Variants in PDE11A observed in about 807,000 individuals in gnomAD.
The protein encoded by PDE11A is phosphodiesterase 11A.
PDE11A carries 100 observed loss-of-function variants against 100.5 expected under a neutral mutation model. The observed-to-expected ratio is 1.00, with a 90% CI of 0.85 to 1.18. The LOEUF is 1.18. Ranked by LOEUF, PDE11A falls within the 50% of genes most tolerant of loss-of-function variation. The pLI is 0.00. For missense variants in PDE11A, 1,141 were observed against 1,152.6 expected (o/e 0.99, Z 0.15); for synonymous variants, 381 against 420.8 (o/e 0.91, Z 1.16).
Position 177,981,640 on chromosome 2 carries a change from T to C in PDE11A, c.1071+32662A>G, listed in dbSNP as rs143396117. 7.5e-3 allele frequency among the ~76,000 whole-genome samples: 1,136 copies of C among 150,956 alleles called. 28 individuals carry two copies. Among genetic ancestry groups the C allele is most frequent in the African/African-American group, 0.025 (1,037 of 41,468 alleles). Reference sequence around the variant, plus strand: ...CCTCTGTAAAGACCCTCTTTCCAAATAAAATCACATTCTGAGGAACTGGGG... The same window carrying C: ...CCTCTGTAAAGACCCTCTTTCCAAACAAAATCACATTCTGAGGAACTGGGG... On this transcript the variant is annotated intron_variant, in intron 2 of 19. Coordinates refer to ENST00000286063, the MANE Select transcript of PDE11A (RefSeq NM_016953.4).
chr2:177,943,221 C>A (rs933108374), intron 2 of PDE11A, among the ~76,000 whole-genome samples: 28 of 152,258 alleles, frequency 1.8e-4, no homozygotes, highest in African/African-American at 6.7e-4. Context: ...GCATTTAATT[C>A]TTTGAATATA....
At chr2:178,060,694 A>G (rs2086957480) in intron 1 of PDE11A, among the ~76,000 whole-genome samples, 1 of 152,178 alleles carries the variant, frequency 6.6e-6, no homozygotes, top group Non-Finnish European at 1.5e-5. Context: ...GAAAACTGAG[A>G]TTCTGTTGAA....
chr2:177,992,621 G>T (rs928712486), intron 2 of PDE11A, among the ~76,000 whole-genome samples: 3 of 152,114 alleles, frequency 2.0e-5, no homozygotes, highest in Non-Finnish European at 4.4e-5. Context: ...TTGTGTCAAT[G>T]ATTTGGCCAG....
chr2:177,786,333 T>C (rs2082537036), intron 9 of PDE11A, among the ~76,000 whole-genome samples: 1 of 152,158 alleles, frequency 6.6e-6, no homozygotes, highest in African/African-American at 2.4e-5. Flanking sequence ...GGGTCCTGTC[T>C]GTTAGAAGGA....
intron 2 of PDE11A, among the ~76,000 whole-genome samples, chr2:178,001,686 A>C (rs1014139960): frequency 6.6e-6 from 1 of 152,210 alleles, no homozygotes; most frequent in African/African-American, 2.4e-5. Flanking sequence ...TAATCCTGCC[A>C]CTGGGTCAAA....
intron 14 of PDE11A, among the ~76,000 whole-genome samples, chr2:177,700,156 A>G (rs773959638): frequency 5.9e-5 from 9 of 152,158 alleles, no homozygotes; most frequent in Non-Finnish European, 8.8e-5. Context: ...CATCATTCCC[A>G]GCAGGTTTTC....
intron 19 of PDE11A, among the ~76,000 whole-genome samples, chr2:177,654,021 T>C (rs2080346085): frequency 6.6e-6 from 1 of 152,202 alleles, no homozygotes; most frequent in African/African-American, 2.4e-5. Flanking sequence ...ACTTATTTTC[T>C]GTTTCCTTCA....
chr2:177,990,425 A>C (rs2085988004), intron 2 of PDE11A, among the ~76,000 whole-genome samples: 1 of 152,152 alleles, frequency 6.6e-6, no homozygotes, highest in African/African-American at 2.4e-5. Context: ...CAGAGTTACA[A>C]GTATCTGGGG....
chr2:177,652,558 T>C (rs1196482876), intron 19 of PDE11A, among the ~76,000 whole-genome samples: 1 of 152,152 alleles, frequency 6.6e-6, no homozygotes, highest in Admixed American at 6.5e-5. Flanking sequence ...AGGTGAGCCA[T>C]GCAATCAGCT....
intron 18 of PDE11A, 113 bp from the exon 19 acceptor site, chr2:177,664,062 C>G: frequency 1.4e-6 from 1 of 702,090 alleles, no homozygotes. Context: ...GAACCCTTCG[C>G]AAATCACAAT....
rs1187626843 is a variant in PDE11A at position 177,958,425 on chromosome 2, T to C, written c.1072-53238A>G. Reference sequence around the variant, plus strand: ...ATTTTATTTAACTGTTGAACAAGTATATTTTATTTTGGATGTGGAAAGAAA... The same window carrying C: ...ATTTTATTTAACTGTTGAACAAGTACATTTTATTTTGGATGTGGAAAGAAA... On this transcript the variant is annotated intron_variant, in intron 2 of 19. Transcript: ENST00000286063. 2.0e-5 allele frequency among the ~76,000 whole-genome samples: 3 copies of C among 152,372 alleles called. No homozygotes were observed. The South Asian group carries it at 6.2e-4, about 32-fold the overall frequency.
chr2:177,904,556 CTTTTTTT>C (rs11333208), intron 3 of PDE11A, among the ~76,000 whole-genome samples: 1 of 133,112 alleles, frequency 7.5e-6, no homozygotes, highest in Non-Finnish European at 1.6e-5. Context: ...TATTAATCTC[CTTTTTTT>C]TTTTTTTTTT....
At chr2:177,876,833 C>T (rs1413591616) in intron 4 of PDE11A, among the ~76,000 whole-genome samples, 5 of 147,842 alleles carry the variant, frequency 3.4e-5, no homozygotes, top group African/African-American at 1.0e-4. Context: ...TAGGGGTGGA[C>T]GGAAACCTTT....
At chr2:177,633,105 G>A in intron 19 of PDE11A, among the ~76,000 whole-genome samples, 1 of 152,218 alleles carries the variant, frequency 6.6e-6, no homozygotes, top group African/African-American at 2.4e-5. Flanking sequence ...TATGCTTTGG[G>A]TTAGTTAGCT....
intron 13 of PDE11A, chr2:177,702,697 A>C (rs771892413): frequency 5.3e-5 from 8 of 152,188 alleles, no homozygotes; most frequent in Admixed American, 6.5e-5. Context: ...ATTCTTGGAA[A>C]GACTCCCCCA....
At chr2:178,054,023 A>G (rs2086865239) in intron 1 of PDE11A, among the ~76,000 whole-genome samples, 1 of 152,210 alleles carries the variant, frequency 6.6e-6, no homozygotes, top group Non-Finnish European at 1.5e-5. Flanking sequence ...TAAAGTTCAT[A>G]TGGAACCAAA....
At chr2:177,835,872 T>C (rs2083389957) in intron 6 of PDE11A, among the ~76,000 whole-genome samples, 1 of 152,218 alleles carries the variant, frequency 6.6e-6, no homozygotes, top group Admixed American at 6.5e-5. Context: ...CCACTGGCGC[T>C]GCGCTCAAAT....
At chr2:177,852,450 A>T (rs114949507) in intron 5 of PDE11A, among the ~76,000 whole-genome samples, 4,209 of 152,180 alleles carry the variant, frequency 0.028, 192 homozygotes, top group African/African-American at 0.096. Context: ...GGTCAATCTG[A>T]GGTTGGGTTC....
intron 2 of PDE11A, among the ~76,000 whole-genome samples, chr2:177,988,967 A>T (rs2085972083): frequency 6.6e-6 from 1 of 152,208 alleles, no homozygotes; most frequent in South Asian, 2.1e-4. Context: ...ATCTGTACAT[A>T]AAAAATGTAT....
Sources: gnomAD v4.1 joint callset for allele counts (sites outside exome capture counted in the v4.1 genomes callset) on GRCh38, gnomAD v4.1.1 for gene constraint, MANE v1.5 for transcripts, NCBI Gene and HGNC (gene_info 2026-07-23, HGNC 2026-07-21) for gene names.